The following CELF2 variants were observed in gnomAD, a reference collection of about 807,000 sequenced individuals.
The protein encoded by CELF2 is CUGBP Elav-like family member 2.
A neutral mutation model predicts 62.6 loss-of-function variants in CELF2; 8 were observed. That is an observed-to-expected ratio of 0.13 (90% confidence interval 0.07 to 0.23). The LOEUF (loss-of-function observed/expected upper bound fraction) is 0.23. CELF2 is among the 10% of genes least tolerant of loss of function. The pLI, the probability that CELF2 is intolerant of heterozygous loss-of-function variation, is 1.00. For synonymous variants in CELF2, 258 were observed against 250.0 expected (o/e 1.03, Z -0.30); for missense variants, 333 against 671.0 (o/e 0.50, Z 5.56).
At chr10:10,649,989 C>T in the CELF2 span, among the ~76,000 whole-genome samples, 3 of 152,264 alleles carry the variant, frequency 2.0e-5, no homozygotes, top group East Asian at 3.9e-4. Flanking sequence ...ATCCACCCGC[C>T]GTAATCTGCT....
chr10:11,180,323 C>T (rs1422075376), intron 2 of CELF2, among the ~76,000 whole-genome samples: 1 of 152,182 alleles, frequency 6.6e-6, no homozygotes, highest in Non-Finnish European at 1.5e-5. Context: ...TTGGAGACTG[C>T]GTGCCTCTCC....
chr10:11,163,397 G>A (rs1343101263), intron 1 of CELF2, among the ~76,000 whole-genome samples: 1 of 152,100 alleles, frequency 6.6e-6, no homozygotes, highest in Non-Finnish European at 1.5e-5. Context: ...CTCAACCCCC[G>A]ACAGGGTGTG....
intron 2 of CELF2, among the ~76,000 whole-genome samples, chr10:10,978,039 T>G (rs558710786): frequency 0.031 from 4,564 of 148,906 alleles, 221 homozygotes; most frequent in African/African-American, 0.11. Flanking sequence ...TTTTTGTTTT[T>G]TGTTTTTTTT....
chr10:10,924,086 G>A (rs2065189666), intron 2 of CELF2: 2 of 151,852 alleles, frequency 1.3e-5, no homozygotes, highest in African/African-American at 4.8e-5. Context: ...TTTTATTTTG[G>A]ATAGCAAAGT....
intron 1 of CELF2, among the ~76,000 whole-genome samples, chr10:11,093,729 G>A (rs17149480): frequency 0.041 from 6,250 of 152,080 alleles, 149 homozygotes; most frequent in Non-Finnish European, 0.055. Flanking sequence ...AACTGAATCA[G>A]CCAGTCAATT....
chr10:11,325,082 C>A (rs12261260), intron 11 of CELF2, among the ~76,000 whole-genome samples: 38,765 of 152,124 alleles, frequency 0.25, 5,432 homozygotes, highest in Admixed American at 0.35. Context: ...CCTCTCCAGC[C>A]AGCAGGGCCA....
At chr10:10,569,582 A>G in the CELF2 span, among the ~76,000 whole-genome samples, 422 of 152,302 alleles carry the variant, frequency 2.8e-3, 1 homozygote, top group African/African-American at 9.2e-3. Flanking sequence ...TTGTGAAGCT[A>G]GGGTTAAGAT....
chr10:10,687,569 T>C, the CELF2 span, among the ~76,000 whole-genome samples: 1 of 152,198 alleles, frequency 6.6e-6, no homozygotes, highest in Non-Finnish European at 1.5e-5. Context: ...CAGAGAGTCA[T>C]TGGCTGGCTA....
At chr10:10,969,470 C>G (rs1393951511) in intron 2 of CELF2, among the ~76,000 whole-genome samples, 1 of 152,196 alleles carries the variant, frequency 6.6e-6, no homozygotes, top group African/African-American at 2.4e-5. Flanking sequence ...GTAGATTAGT[C>G]TGTCTCTTTA....
intron 1 of CELF2, among the ~76,000 whole-genome samples, chr10:10,881,268 A>G (rs377330280): frequency 2.8e-4 from 42 of 152,342 alleles, no homozygotes; most frequent in East Asian, 1.2e-3. Flanking sequence ...TGGATGGTAT[A>G]TTTTGAGAGA....
intron 7 of CELF2, among the ~76,000 whole-genome samples, chr10:11,272,335 G>C (rs2084127561): frequency 6.6e-6 from 1 of 152,230 alleles, no homozygotes. Context: ...AGAGAAATGA[G>C]TCTAGCTTGA....
chr10:10,651,922 C>T, the CELF2 span, among the ~76,000 whole-genome samples: 1 of 151,032 alleles, frequency 6.6e-6, no homozygotes, highest in African/African-American at 2.4e-5. Flanking sequence ...TCAAATTACT[C>T]TGAGCTACGG....
rs766069387 is a variant in CELF2, at chr10:11,255,963, G to A, written c.404-1775G>A. Among the ~76,000 whole-genome samples the A allele has an allele frequency of 2.2e-4, 34 of 152,132 alleles. No individual in the cohort carries two copies. Among genetic ancestry groups the A allele is most frequent in the Non-Finnish European group, 4.1e-4 (28 of 68,006 alleles). On this transcript the variant is annotated intron_variant, in intron 4 of 12. Transcript: ENST00000633077. This position sits in a 1 kb window ranked among gnomAD's most constrained non-coding sequence, Gnocchi z 5.5. The stretch of plus-strand genomic sequence containing the variant: ...ACAGCAGGGGAAGGAATCCTTGGCT[G>A]GGAGGAGGACTCCAGGCTGTGGGCC...
At chr10:10,792,750 A>G in the CELF2 span, among the ~76,000 whole-genome samples, 1 of 152,206 alleles carries the variant, frequency 6.6e-6, no homozygotes, top group African/African-American at 2.4e-5. Flanking sequence ...AACATGACAC[A>G]GCTTTGAAAA....
At chr10:10,609,853 T>C in the CELF2 span, among the ~76,000 whole-genome samples, 1 of 152,218 alleles carries the variant, frequency 6.6e-6, no homozygotes, top group Non-Finnish European at 1.5e-5. Flanking sequence ...TGCATCTACT[T>C]GCCTCACAGA....
At chr10:11,002,222 C>G (rs1833795838), upstream of CELF2, among the ~76,000 whole-genome samples, 1 of 152,078 alleles carries the variant, frequency 6.6e-6, no homozygotes, top group Non-Finnish European at 1.5e-5. The surrounding 1 kb of genome is among the most constrained non-coding windows in gnomAD (Gnocchi z 4.4). Context: ...CTTATAAAAC[C>G]AACAGATCTC....
rs58592778 is a variant in CELF2 at position 11,324,120 on chromosome 10, A to G, written c.1295-1716A>G. Among the ~76,000 whole-genome samples the G allele has an allele frequency of 0.029, 4,407 of 152,266 alleles. 204 individuals are homozygous for G. Among genetic ancestry groups the G allele is most frequent in the African/African-American group, 0.1 (4,137 of 41,516 alleles). On this transcript the variant is annotated intron_variant, in intron 11 of 12. Coordinates refer to ENST00000633077, the MANE Select transcript of CELF2 (RefSeq NM_001326342.2). The surrounding 1 kb of genome is among the most constrained non-coding windows in gnomAD (Gnocchi z 4.7). ...TGTTTCCTTGGTCTCTGTTGGGCAT[A>G]GACAAATTCAGCATGAGCAACATTC...
chr10:10,664,774 C>CT, the CELF2 span, among the ~76,000 whole-genome samples: 1 of 152,186 alleles, frequency 6.6e-6, no homozygotes, highest in Non-Finnish European at 1.5e-5. Context: ...TTAGGGGAAT[C>CT]TATCTTCGTG....
In CELF2 at chr10:10,820,778, G is replaced by A. The variant is rs148293236; in HGVS notation, c.53+21961G>A. The stretch of plus-strand genomic sequence containing the variant: ...TGAGGGTTAAGCCACATTCAAGGCC[G>A]CATTGAAGATTTTGTTCTCTCATTG... On this transcript the variant is annotated intron_variant, in intron 1 of 13. Coordinates refer to the CELF2 transcript ENST00000636488. 4.4e-3 allele frequency among the ~76,000 whole-genome samples: 667 copies of A among 152,274 alleles called. 3 individuals are homozygous for A. The highest frequency in any genetic ancestry group is 0.02 in the Middle Eastern group (6 of 294).
Sources: allele counts gnomAD v4.1 joint callset (sites outside exome capture counted in the v4.1 genomes callset), GRCh38; gene constraint gnomAD v4.1.1; non-coding constraint Gnocchi (gnomAD v3.1); transcripts MANE v1.5; gene names NCBI Gene and HGNC (gene_info 2026-07-23, HGNC 2026-07-21).